VPS53: variants seen among roughly 807,000 people sequenced by gnomAD.
VPS53 encodes the protein VPS53 subunit of GARP complex, also known as vacuolar protein sorting-associated protein 53 homolog.
VPS53 carries 70 observed loss-of-function variants against 107.0 expected under a neutral mutation model. The ratio of observed to expected loss-of-function variants is 0.65; its 90% CI spans 0.54 to 0.80. VPS53 has a LOEUF of 0.80. Ranked by LOEUF, VPS53 falls within the 30% of genes least tolerant of loss-of-function variation. The pLI is 0.00. For synonymous variants in VPS53, 409 were observed against 393.3 expected (o/e 1.04, Z -0.47); for missense variants, 917 against 1,049.4 (o/e 0.87, Z 1.74).
At chr17:673,184 A>G (rs1470674657) in intron 4 of VPS53, among the ~76,000 whole-genome samples, 1 of 151,996 alleles carries the variant, frequency 6.6e-6, no homozygotes. Flanking sequence ...GGTCCTCCAG[A>G]GAGCAGAAAC....
At chr17:628,813 T>C (rs939910852) in intron 8 of VPS53, among the ~76,000 whole-genome samples, 4 of 152,128 alleles carry the variant, frequency 2.6e-5, no homozygotes, top group Non-Finnish European at 5.9e-5. Context: ...AAAGAGAAAA[T>C]GCTGTGATAC....
At chr17:554,603 A>G (rs904794718) in intron 15 of VPS53, among the ~76,000 whole-genome samples, 4 of 152,188 alleles carry the variant, frequency 2.6e-5, no homozygotes, top group Non-Finnish European at 5.9e-5. Context: ...GGGTTTCACC[A>G]TATCAGCCAG....
chr17:613,553 C>T (rs562888509), intron 11 of VPS53, among the ~76,000 whole-genome samples: 1 of 148,344 alleles, frequency 6.7e-6, no homozygotes, highest in Admixed American at 6.7e-5. Context: ...AAAACCTGTA[C>T]AGATATTCAC....
chr17:641,093 T>A (rs1455980978), intron 7 of VPS53, among the ~76,000 whole-genome samples: 1 of 152,116 alleles, frequency 6.6e-6, no homozygotes, highest in African/African-American at 2.4e-5. Context: ...TGATCTCAGG[T>A]GATCCACCCA....
At chr17:571,595 C>T (rs1018083569) in intron 13 of VPS53, among the ~76,000 whole-genome samples, 3 of 151,826 alleles carry the variant, frequency 2.0e-5, no homozygotes, top group Admixed American at 1.3e-4. Flanking sequence ...GATGCCGAGC[C>T]GAAGCTGGAC....
In VPS53 at chr17:618,446, G is replaced by A. The variant is rs1364343656; in HGVS notation, c.1116+5087C>T. The stretch of plus-strand genomic sequence containing the variant: ...TTCCCGGGTAGCTGGGACGACAGGC[G>A]TGCGCCACTACGCCCCACTAATATT... On this transcript the variant is annotated intron_variant, in intron 11 of 21. Coordinates refer to ENST00000437048, the MANE Select transcript of VPS53 (RefSeq NM_001128159.3). Among the ~76,000 whole-genome samples the A allele has an allele frequency of 2.4e-4, 32 of 135,684 alleles. 3 individuals are homozygous for A. Among genetic ancestry groups the A allele is most frequent in the Admixed American group, 1.1e-3 (14 of 12,626 alleles). The allele number at this position is 135,684 out of a possible 152,430, so 89.0% of individuals were successfully genotyped here. A position where few individuals can be genotyped will look rare whatever the true frequency, so the allele number is the denominator to read the frequency against.
intron 12 of VPS53, among the ~76,000 whole-genome samples, chr17:598,177 G>A (rs1009337011): frequency 3.3e-5 from 5 of 152,182 alleles, no homozygotes; most frequent in South Asian, 4.1e-4. Flanking sequence ...TGGCCAGGCC[G>A]GTCTCCAGCC....
chr17:581,742 C>T (rs1045605728), intron 13 of VPS53, among the ~76,000 whole-genome samples: 2 of 150,526 alleles, frequency 1.3e-5, no homozygotes, highest in Non-Finnish European at 2.9e-5. Context: ...AACTTAAATG[C>T]GTTCCCAGAG....
Position 572,313 on chromosome 17 carries a change from C to T in VPS53, c.1314-9568G>A, listed in dbSNP as rs572985998. 2.0e-3 allele frequency among the ~76,000 whole-genome samples: 295 copies of T among 149,772 alleles called. 2 individuals carry two copies. Among genetic ancestry groups the T allele is most frequent in the African/African-American group, 7.0e-3 (283 of 40,560 alleles). ...GAGGAGACCCTCTGCCCGGCAACCG[C>T]CCCGTCTGAGAAGTGAGGAGCCCCT... is the stretch of plus-strand genomic sequence containing the variant. On this transcript the variant is annotated intron_variant, in intron 13 of 21. Transcript: ENST00000437048.
At position 645,954 on chromosome 17, in the gene VPS53, C is replaced by T. The variant is rs549055094; in HGVS notation, c.608+7337G>A. Among the ~76,000 whole-genome samples the T allele has an allele frequency of 4.7e-4, 63 of 133,846 alleles. 2 individuals are homozygous for T. Among genetic ancestry groups the T allele is most frequent in the African/African-American group, 1.4e-3 (54 of 38,304 alleles). 87.8% of individuals were successfully genotyped at this position (133,846 alleles called of 152,430 possible). A position where few individuals can be genotyped will look rare whatever the true frequency, so the allele number is the denominator to read the frequency against. ...GGAGACTGGCTCCCACACACATCTC[C>T]GTGACCGTGTGGCCACTGCCTCCTA... is the stretch of plus-strand genomic sequence containing the variant. On this transcript the variant is annotated intron_variant, in intron 7 of 21. Coordinates refer to ENST00000437048, the MANE Select transcript of VPS53 (RefSeq NM_001128159.3).
rs542106290 is a variant in VPS53 at position 512,164 on chromosome 17, T to C, written c.*6964A>G. 14 of 152,226 alleles carry C rather than the reference T, an allele frequency of 9.2e-5. No homozygotes were observed. Among genetic ancestry groups the C allele is most frequent in the Non-Finnish European group, 1.9e-4 (13 of 68,046 alleles). The allele number at this position is 152,226 out of a possible 1,614,324, so 9.4% of individuals were successfully genotyped here. A position where few individuals can be genotyped will look rare whatever the true frequency, so the allele number is the denominator to read the frequency against. On this transcript the variant is annotated 3_prime_UTR_variant, in exon 22 of 22. Coordinates refer to ENST00000437048, the MANE Select transcript of VPS53 (RefSeq NM_001128159.3). ...TGTAGCCTGCACACGGCCGCAGGAT[T>C]TGTCACCACTCATCCATGTTTAAAA... is the stretch of plus-strand genomic sequence containing the variant.
At chr17:552,146 G>A (rs552942773) in intron 16 of VPS53, among the ~76,000 whole-genome samples, 196 bp from the exon 17 acceptor site, 1 of 152,266 alleles carries the variant, frequency 6.6e-6, no homozygotes, top group East Asian at 1.9e-4. Flanking sequence ...ACCCAGTCAG[G>A]ATATAGAATC....
chr17:591,546 T>C (rs1386842032), intron 12 of VPS53, among the ~76,000 whole-genome samples: 1 of 152,204 alleles, frequency 6.6e-6, no homozygotes, highest in Non-Finnish European at 1.5e-5. Context: ...ACACACTGCT[T>C]TGAATGTGTC....
chr17:530,143 CTTT>C (rs35030075), intron 19 of VPS53, among the ~76,000 whole-genome samples: 5 of 127,266 alleles, frequency 3.9e-5, no homozygotes, highest in Admixed American at 8.4e-5. Flanking sequence ...AATTTATATT[CTTT>C]TTTTTTTTTT....
At chr17:631,450 C>T (rs964969307) in intron 8 of VPS53, 100 bp downstream of exon 8, 12 of 1,271,210 alleles carry the variant, frequency 9.4e-6, no homozygotes, top group Admixed American at 3.4e-5. Context: ...CAGCTGCCAG[C>T]GAGCATGACT....
intron 16 of VPS53, 27 bp downstream of exon 16, chr17:553,353 G>C (rs1006158496): frequency 1.2e-6 from 2 of 1,609,304 alleles, no homozygotes; most frequent in African/African-American, 2.7e-5. Context: ...AGGGCAGGCA[G>C]CCAGTAAGTG....
chr17:676,004 C>T lies in VPS53; in HGVS notation c.286-14109G>A, dbSNP rs530365117. Among the ~76,000 whole-genome samples the T allele has an allele frequency of 2.2e-4, 33 of 152,138 alleles. 1 individual carries two copies. Among genetic ancestry groups the T allele is most frequent in the Admixed American group, 1.4e-3 (21 of 15,276 alleles). Reference sequence around the variant, plus strand: ...ATGGGATCCAATAATATACGGAGGACGACAAGTTTCTGATGTATTTTAGAG... The same window carrying T: ...ATGGGATCCAATAATATACGGAGGATGACAAGTTTCTGATGTATTTTAGAG... On this transcript the variant is annotated intron_variant, in intron 4 of 21. Transcript: ENST00000437048.
rs758257050 is a variant in VPS53 at position 512,277 on chromosome 17, T to C, written c.*6851A>G. On this transcript the variant is annotated 3_prime_UTR_variant, in exon 22 of 22. Coordinates refer to ENST00000437048, the MANE Select transcript of VPS53 (RefSeq NM_001128159.3). ...ACTGCCTTATGGCAGAGCAAGTGCA[T>C]ATAGCCCGGTCTTGTGTGACCTTCA... 5.3e-5 allele frequency: 8 copies of C among 152,228 alleles called. No homozygotes were observed. Among genetic ancestry groups the C allele is most frequent in the South Asian group, 2.1e-4 (1 of 4,832 alleles). 9.4% of individuals were successfully genotyped at this position (152,228 alleles called of 1,614,324 possible).
intron 1 of VPS53, among the ~76,000 whole-genome samples, chr17:711,454 G>A (rs1177452108): frequency 6.6e-6 from 1 of 152,190 alleles, no homozygotes; most frequent in Non-Finnish European, 1.5e-5. Context: ...CACATCAAGA[G>A]GAGGTGGATG....
Sources: gnomAD v4.1 joint callset for allele counts (sites outside exome capture counted in the v4.1 genomes callset) on GRCh38, gnomAD v4.1.1 for gene constraint, MANE v1.5 for transcripts, NCBI Gene and HGNC (gene_info 2026-07-23, HGNC 2026-07-21) for gene names.